TCAIM: variants seen among roughly 807,000 people sequenced by gnomAD.
TCAIM encodes T cell activation inhibitor, mitochondrial.
Under a neutral mutation model 58.6 loss-of-function variants are expected in TCAIM, and 36 were observed. The ratio of observed to expected loss-of-function variants is 0.61; its 90% CI spans 0.47 to 0.81. The LOEUF is 0.81. TCAIM is among the 30% of genes least tolerant of loss of function. The pLI is 0.00. For missense variants in TCAIM, 466 were observed against 579.6 expected (o/e 0.80, Z 2.01); for synonymous variants, 172 against 193.6 (o/e 0.89, Z 0.93).
In TCAIM at chr3:44,396,830, C is replaced by G; in HGVS notation, c.881C>G (p.Thr294Arg). The change falls in exon 8 of 11, where the codon ACA (threonine) becomes AGA (arginine). Residue 294 changes from threonine (T) to arginine (R), a missense_variant. Coordinates refer to ENST00000342649, the MANE Select transcript of TCAIM (RefSeq NM_173826.4). Reference protein sequence around the residue: ...LGTMDVHHHWTKLFERLPSYF... With the variant: ...LGTMDVHHHWRKLFERLPSYF... ...ACAATGGATGTCCATCACCACTGGA[C>G]AAAAGTAAGAAAGAGCCTTAAAATT... The G allele has an allele frequency of 6.2e-7, 1 of 1,612,980 alleles. No homozygotes were observed. Among genetic ancestry groups the G allele is most frequent in the Non-Finnish European group, 8.5e-7 (1 of 1,179,446 alleles).
Position 44,402,249 on chromosome 3 carries a change from G to GA in TCAIM, c.1250+929dup, listed in dbSNP as rs767810885. Among the ~76,000 whole-genome samples, 214 of 139,852 alleles carry GA rather than the reference G, an allele frequency of 1.5e-3. 1 individual carries two copies. Among genetic ancestry groups the GA allele is most frequent in the South Asian group, 0.014 (62 of 4,334 alleles). 91.7% of individuals were successfully genotyped at this position (139,852 alleles called of 152,430 possible). On this transcript the variant is annotated intron_variant, in intron 10 of 10. Transcript: ENST00000342649. Reference sequence around the variant, plus strand: ...GTGAAACCCTGGGCAATATGGTGGGGAAAAAAAAAAAAAATTAGCCAGGCA... The same window carrying GA: ...GTGAAACCCTGGGCAATATGGTGGGGAAAAAAAAAAAAAAATTAGCCAGGCA...
In TCAIM at chr3:44,401,257, C is replaced by T. The variant is rs1055873986; in HGVS notation, c.1173C>T (p.Leu391=). Reference sequence around the variant, plus strand: ...TCGGGCATTTTAATATTCCAACACTCTGTGATCCAGCAAATCTCCAGTGGT... The same window carrying T: ...TCGGGCATTTTAATATTCCAACACTTTGTGATCCAGCAAATCTCCAGTGGT... ...HELGHFNIPT[L]CDPANLQWFI... The change falls in exon 10 of 11, where the codon CTC becomes CTT. Residue 391 remains leucine, a synonymous_variant. Coordinates refer to ENST00000342649, the MANE Select transcript of TCAIM (RefSeq NM_173826.4). The T allele has an allele frequency of 4.5e-5, 73 of 1,614,048 alleles. No homozygotes were observed. Among genetic ancestry groups the T allele is most frequent in the Non-Finnish European group, 6.1e-5 (72 of 1,180,002 alleles).
At chr3:44,351,344 A>G (rs1417382017) in intron 1 of TCAIM, among the ~76,000 whole-genome samples, 3 of 151,800 alleles carry the variant, frequency 2.0e-5, no homozygotes, top group Non-Finnish European at 2.9e-5. Flanking sequence ...TCTAGCCCCA[A>G]ATGTTTTTTT....
Position 44,361,417 on chromosome 3 carries a change from A to G in TCAIM, c.218A>G (p.Gln73Arg), listed in dbSNP as rs1299844215. The G allele has an allele frequency of 6.2e-7, 1 of 1,613,236 alleles. No homozygotes were observed. The highest frequency in any genetic ancestry group is 8.5e-7 in the Non-Finnish European group (1 of 1,179,672). ...KRLSVYLENL[Q>R]KPGFKSLKPT... ...TTAAGTGTCTACCTAGAAAACCTCC[A>G]GAAACCAGGCTTCAAGTCTTTGAAA... The change falls in exon 4 of 11, where the codon CAG becomes CGG. Residue 73 changes from glutamine to arginine, a missense_variant. Gln to Arg is a conservative substitution (Grantham distance 43). Coordinates refer to ENST00000342649, the MANE Select transcript of TCAIM (RefSeq NM_173826.4).
rs763970346 is a variant in TCAIM, at chr3:44,400,547, C to T, written c.1078C>T (p.His360Tyr). The change falls in exon 9 of 11, where the codon CAC (histidine) becomes TAC (tyrosine). Residue 360 changes from histidine (H) to tyrosine (Y), a missense_variant. Coordinates refer to ENST00000342649, the MANE Select transcript of TCAIM (RefSeq NM_173826.4). Reference protein sequence around the residue: ...NRLLKSRILFHPRSLRGLQMI... With the variant: ...NRLLKSRILFYPRSLRGLQMI... ...ACTGTTGAAAAGTAGAATACTATTT[C>T]ACCCTCGAAGTTTGCGTGGTTTACA... The T allele has an allele frequency of 3.7e-6, 6 of 1,613,394 alleles. No homozygotes were observed. The highest frequency in any genetic ancestry group is 1.6e-4 in the Middle Eastern group (1 of 6,080).
intron 5 of TCAIM, among the ~76,000 whole-genome samples, chr3:44,381,638 A>G (rs570406220): frequency 3.3e-5 from 5 of 152,266 alleles, no homozygotes; most frequent in African/African-American, 9.6e-5. Flanking sequence ...AGCCAGAGCA[A>G]TTAGGCAAGA....
intron 8 of TCAIM, among the ~76,000 whole-genome samples, chr3:44,399,378 T>C (rs1412307660): frequency 1.1e-4 from 17 of 152,218 alleles, no homozygotes; most frequent in Admixed American, 1.1e-3. Context: ...TTCCACAAGA[T>C]GTTAAAAGTA....
intron 10 of TCAIM, among the ~76,000 whole-genome samples, chr3:44,406,259 G>A (rs1311374777): frequency 6.6e-6 from 1 of 152,208 alleles, no homozygotes; most frequent in African/African-American, 2.4e-5. Context: ...CAGCAACATG[G>A]TCACACTACA....
chr3:44,405,051 C>T (rs1405126828), intron 10 of TCAIM, among the ~76,000 whole-genome samples: 1 of 152,096 alleles, frequency 6.6e-6, no homozygotes, highest in African/African-American at 2.4e-5. Flanking sequence ...TGACTTGTAG[C>T]TCCTGTCTCT....
chr3:44,347,784 G>A (rs1700999975), intron 1 of TCAIM, among the ~76,000 whole-genome samples: 1 of 152,090 alleles, frequency 6.6e-6, no homozygotes, highest in East Asian at 1.9e-4. Context: ...CCTTAAGCAG[G>A]GTAAGAGTGA....
At position 44,367,687 on chromosome 3, in the gene TCAIM, C is replaced by G; in HGVS notation, c.551C>G (p.Ser184Trp). 1.2e-6 allele frequency: 2 copies of G among 1,611,644 alleles called. No homozygotes were observed. Residue 184 changes from serine to tryptophan, a missense_variant, in exon 5 of 11, where the codon TCG becomes TGG. Ser to Trp is a radical substitution (Grantham distance 177). Transcript: ENST00000342649. ...CCTGATGAAGACCTTGAACAAGTCT[C>G]GAGAGTGGAAACAACTCTCACGTAT... ...KDPDEDLEQV[S>W]RVETTLTSWL... is the part of the protein sequence containing the mutation.
Position 44,407,947 on chromosome 3 carries a change from G to A in TCAIM, c.*265G>A. On this transcript the variant is annotated 3_prime_UTR_variant, in exon 11 of 11. Transcript: ENST00000342649. ...AGCCCAGGAGGCCAAGGTTGCAGTGGGCCCAGATTGCACCATTGCCCTCCA... is the reference window on the plus strand; with the variant it reads ...AGCCCAGGAGGCCAAGGTTGCAGTGAGCCCAGATTGCACCATTGCCCTCCA... 3.7e-6 allele frequency: 1 copy of A among 267,840 alleles called. No individual in the cohort carries two copies. The highest frequency in any genetic ancestry group is 7.8e-5 in the South Asian group (1 of 12,902). The allele number at this position is 267,840 out of a possible 1,614,324, so 16.6% of individuals were successfully genotyped here.
chr3:44,379,200 A>T (rs1380527770), intron 5 of TCAIM, among the ~76,000 whole-genome samples: 2 of 151,230 alleles, frequency 1.3e-5, no homozygotes, highest in Non-Finnish European at 2.9e-5. Flanking sequence ...AAAAAAAAAA[A>T]TTAATTAATA....
intron 8 of TCAIM, among the ~76,000 whole-genome samples, chr3:44,398,154 T>C (rs1459138088): frequency 2.0e-5 from 3 of 152,102 alleles, no homozygotes; most frequent in East Asian, 1.9e-4. Flanking sequence ...GGCCGGGCAC[T>C]GTGGCTCACA....
intron 1 of TCAIM, among the ~76,000 whole-genome samples, chr3:44,353,855 GT>G (rs1701140860): frequency 6.6e-6 from 1 of 152,258 alleles, no homozygotes; most frequent in South Asian, 2.1e-4. Flanking sequence ...TTTTGGAAAT[GT>G]TTTCTCCAGG....
chr3:44,405,951 C>CAA (rs10579882), intron 10 of TCAIM, among the ~76,000 whole-genome samples: 6,843 of 112,930 alleles, frequency 0.061, 256 homozygotes, highest in Non-Finnish European at 0.093. Flanking sequence ...GACTCCATCT[C>CAA]AAAAAAAAAA....
chr3:44,359,060 A>G, intron 3 of TCAIM: 1 of 983,142 alleles, frequency 1.0e-6, no homozygotes, highest in Non-Finnish European at 1.2e-6. Context: ...TAATACTTTA[A>G]TATTATTCTA....
chr3:44,402,783 G>C (rs995670867), intron 10 of TCAIM, among the ~76,000 whole-genome samples: 4 of 152,054 alleles, frequency 2.6e-5, no homozygotes, highest in Non-Finnish European at 5.9e-5. Flanking sequence ...GGCAACAGCA[G>C]GGAACAGGAT....
chr3:44,357,488 C>T (rs1412751638), intron 2 of TCAIM, among the ~76,000 whole-genome samples: 1 of 152,152 alleles, frequency 6.6e-6, no homozygotes, highest in African/African-American at 2.4e-5. Flanking sequence ...AGCTGAATTT[C>T]AAAGTGGAGT....
Sources: gnomAD v4.1 joint callset for allele counts (sites outside exome capture counted in the v4.1 genomes callset) on GRCh38, gnomAD v4.1.1 for gene constraint, MANE v1.5 for transcripts, NCBI Gene and HGNC (gene_info 2026-07-23, HGNC 2026-07-21) for gene names.